PCDH11X: variants seen among roughly 807,000 people sequenced by gnomAD.
The protein encoded by PCDH11X is protocadherin-11 X-linked.
Under a neutral mutation model 53.3 loss-of-function variants are expected in PCDH11X, and 18 were observed. That is an observed-to-expected ratio of 0.34 (90% confidence interval 0.23 to 0.50). PCDH11X has a LOEUF of 0.50. Ranked by LOEUF, PCDH11X falls within the 20% of genes least tolerant of loss-of-function variation. PCDH11X has a pLI of 0.98. For missense variants in PCDH11X, 570 were observed against 1,032.4 expected (o/e 0.55, Z 6.14); for synonymous variants, 279 against 393.3 (o/e 0.71, Z 3.44).
At chrX:91,794,648 T>C (rs1935671637) in intron 1 of PCDH11X, among the ~76,000 whole-genome samples, 1 of 110,265 alleles carries the variant, frequency 9.1e-6, no homozygotes. Context: ...TCTGTTCTCA[T>C]TATTAGTGGC....
Position 92,000,129 on chromosome X carries a change from C to T in PCDH11X, c.3033+120856C>T, listed in dbSNP as rs143755236. Among the ~76,000 whole-genome samples the T allele has an allele frequency of 9.0e-3, 991 of 110,617 alleles. 13 individuals are homozygous for T. The highest frequency in any genetic ancestry group is 0.03 in the African/African-American group (920 of 30,445). Reference sequence around the variant, plus strand: ...CAGGGCTGGATCATACAAAGCCTACCCTGAAGTTATACTCCTTAATTAAAG... The same window carrying T: ...CAGGGCTGGATCATACAAAGCCTACTCTGAAGTTATACTCCTTAATTAAAG... On this transcript the variant is annotated intron_variant, in intron 6 of 10. Coordinates refer to ENST00000682573, the MANE Select transcript of PCDH11X (RefSeq NM_032968.5).
chrX:91,900,548 C>T (rs1205289824), intron 6 of PCDH11X, among the ~76,000 whole-genome samples: 5 of 109,363 alleles, frequency 4.6e-5, no homozygotes, highest in Non-Finnish European at 9.5e-5. Flanking sequence ...TAAGGCCATT[C>T]ACAATTCTAT....
chrX:92,409,956 G>T (rs1165106237), intron 9 of PCDH11X, among the ~76,000 whole-genome samples: 2 of 111,188 alleles, frequency 1.8e-5, no homozygotes, highest in African/African-American at 6.5e-5. Flanking sequence ...TATTTTTTTA[G>T]CATTTTAAAA....
At chrX:92,546,982 G>A (rs1362801215) in intron 10 of PCDH11X, among the ~76,000 whole-genome samples, 1 of 110,582 alleles carries the variant, frequency 9.0e-6, no homozygotes, top group African/African-American at 3.3e-5. Flanking sequence ...CCTTAGCACA[G>A]TATCTTATTG....
chrX:92,303,015 A>G lies in PCDH11X; in HGVS notation c.3144+39872A>G, dbSNP rs1258440004. 3.7e-5 allele frequency among the ~76,000 whole-genome samples: 4 copies of G among 107,260 alleles called. No homozygotes were observed. In the Admixed American group the frequency reaches 4.1e-4, roughly 11 times the overall value. The allele number at this position is 107,260 out of a possible 115,157, so 93.1% of individuals were successfully genotyped here. A position where few individuals can be genotyped will look rare whatever the true frequency, so the allele number is the denominator to read the frequency against. On this transcript the variant is annotated intron_variant, in intron 8 of 10. Transcript: ENST00000682573. ...ATAAGGAGAGAAACAAACTCGAAGC[A>G]GAATGTAATTACTATGGTTTTGAAG...
chrX:91,958,122 C>T (rs1338449317), intron 6 of PCDH11X, among the ~76,000 whole-genome samples: 3 of 111,178 alleles, frequency 2.7e-5, no homozygotes, highest in African/African-American at 9.9e-5. Context: ...CCACAGGGGG[C>T]AGGCTGGAAT....
At chrX:92,184,664 T>C (rs1015782459) in intron 6 of PCDH11X, among the ~76,000 whole-genome samples, 16 of 111,205 alleles carry the variant, frequency 1.4e-4, no homozygotes, top group African/African-American at 5.2e-4. Context: ...AATAGAGAAC[T>C]GAAAAATAAA....
intron 10 of PCDH11X, among the ~76,000 whole-genome samples, chrX:92,608,033 T>A (rs759668840): frequency 2.7e-5 from 3 of 110,948 alleles, no homozygotes; most frequent in African/African-American, 6.5e-5. Flanking sequence ...AGTCTTACTA[T>A]AACTTATTTT....
chrX:92,091,340 A>G (rs760355454), intron 6 of PCDH11X, among the ~76,000 whole-genome samples: 2,357 of 109,682 alleles, frequency 0.021, 72 homozygotes, highest in African/African-American at 0.075. Flanking sequence ...GCCAGTATGG[A>G]TTTGTTGTCA....
At chrX:91,943,186 A>AAC (rs1329794148) in intron 6 of PCDH11X, among the ~76,000 whole-genome samples, 1 of 94,714 alleles carries the variant, frequency 1.1e-5, no homozygotes, top group Non-Finnish European at 2.1e-5. Flanking sequence ...TAATGGTGGA[A>AAC]ACATTTCATT....
intron 10 of PCDH11X, among the ~76,000 whole-genome samples, chrX:92,504,027 C>G (rs1442328126): frequency 4.1e-5 from 2 of 49,254 alleles, no homozygotes; most frequent in Non-Finnish European, 7.6e-5. Context: ...TCCAAATCAG[C>G]AAACACCCAA....
chrX:92,112,277 C>G, intron 6 of PCDH11X, among the ~76,000 whole-genome samples: 1 of 105,587 alleles, frequency 9.5e-6, no homozygotes, highest in Non-Finnish European at 1.9e-5. Context: ...CAGGCAGGCT[C>G]ATAGATTTGA....
intron 6 of PCDH11X, among the ~76,000 whole-genome samples, chrX:92,155,776 G>A (rs1326786415): frequency 9.1e-6 from 1 of 109,322 alleles, no homozygotes; most frequent in Non-Finnish European, 1.9e-5. Flanking sequence ...ACAGGGGCCC[G>A]CCACCGCGCC....
rs555059356 is a variant in PCDH11X at position 91,894,573 on chromosome X, C to T, written c.3033+15300C>T. 9.8e-4 allele frequency among the ~76,000 whole-genome samples: 109 copies of T among 111,347 alleles called. 1 individual carries two copies. In the South Asian group the frequency reaches 0.041, roughly 42 times the overall value. ...TAGAGGCCAAAAGTATGTTTTACTC[C>T]GATTTATTTCTTAGAAACAATTATA... On this transcript the variant is annotated intron_variant, in intron 6 of 10. Coordinates refer to ENST00000682573, the MANE Select transcript of PCDH11X (RefSeq NM_032968.5).
intron 6 of PCDH11X, among the ~76,000 whole-genome samples, chrX:91,907,941 T>C (rs1182572921): frequency 8.9e-6 from 1 of 111,760 alleles, no homozygotes; most frequent in Non-Finnish European, 1.9e-5. Context: ...GCTCCATCCA[T>C]GTCCCTGCAA....
chrX:91,841,246 A>G (rs933614648), intron 5 of PCDH11X, among the ~76,000 whole-genome samples: 14 of 111,942 alleles, frequency 1.3e-4, no homozygotes, highest in Admixed American at 6.7e-4. Flanking sequence ...CATTACTATT[A>G]TCAGAGTCTT....
At chrX:91,902,222 A>G (rs1368394179) in intron 6 of PCDH11X, among the ~76,000 whole-genome samples, 2 of 110,198 alleles carry the variant, frequency 1.8e-5, no homozygotes, top group African/African-American at 6.6e-5. Flanking sequence ...CACTTCCTCA[A>G]TTCCCAATTG....
chrX:92,066,549 C>T (rs1569336618), intron 6 of PCDH11X, among the ~76,000 whole-genome samples: 2 of 110,566 alleles, frequency 1.8e-5, no homozygotes, highest in African/African-American at 6.6e-5. Flanking sequence ...AAAGATCCTT[C>T]ACTTCTTTGG....
chrX:92,209,972 T>C (rs1449673906), intron 7 of PCDH11X, among the ~76,000 whole-genome samples: 2 of 111,527 alleles, frequency 1.8e-5, no homozygotes, highest in Non-Finnish European at 3.8e-5. Flanking sequence ...TTGGCCCTTT[T>C]TAGCCACAAC....
Sources: allele counts gnomAD v4.1 joint callset (sites outside exome capture counted in the v4.1 genomes callset), GRCh38; gene constraint gnomAD v4.1.1; transcripts MANE v1.5; gene names NCBI Gene and HGNC (gene_info 2026-07-23, HGNC 2026-07-21).